ALK: variants seen among roughly 807,000 people sequenced by gnomAD.
ALK encodes ALK tyrosine kinase receptor.
A neutral mutation model predicts 163.1 loss-of-function variants in ALK; 74 were observed. That is an observed-to-expected ratio of 0.45 (90% CI 0.38 to 0.55). The LOEUF (loss-of-function observed/expected upper bound fraction) is 0.55, where lower values mean the gene tolerates loss of function less well. Ranked by LOEUF, ALK falls within the 20% of genes least tolerant of loss-of-function variation. ALK has a pLI of 0.00. For synonymous variants in ALK, 960 were observed against 843.2 expected (o/e 1.14, Z -2.40); for missense variants, 2,063 against 2,105.3 (o/e 0.98, Z 0.39).
At chr2:29,523,898 A>G (rs1172292264) in intron 4 of ALK, among the ~76,000 whole-genome samples, 1 of 130,024 alleles carries the variant, frequency 7.7e-6, no homozygotes, top group African/African-American at 3.0e-5. Flanking sequence ...TTTTATGCCC[A>G]TCAATGAAAG....
chr2:29,343,839 C>T (rs1667871218), intron 5 of ALK, among the ~76,000 whole-genome samples: 1 of 152,160 alleles, frequency 6.6e-6, no homozygotes, highest in South Asian at 2.1e-4. Flanking sequence ...ACTGGCAGGT[C>T]CCCAGGTACA....
intron 12 of ALK, among the ~76,000 whole-genome samples, chr2:29,244,379 C>T (rs550571449): frequency 2.0e-4 from 30 of 152,214 alleles, no homozygotes; most frequent in African/African-American, 6.5e-4. Context: ...GCTTGGTCAG[C>T]GGGAGATTTC....
chr2:29,596,435 C>T (rs941321025), intron 3 of ALK, among the ~76,000 whole-genome samples: 2 of 152,336 alleles, frequency 1.3e-5, no homozygotes, highest in Middle Eastern at 3.4e-3. Context: ...CCTCTCTTTC[C>T]CCAAACCATC....
chr2:29,203,002 G>T (rs1441681991), intron 26 of ALK, among the ~76,000 whole-genome samples: 1 of 152,140 alleles, frequency 6.6e-6, no homozygotes, highest in Non-Finnish European at 1.5e-5. Flanking sequence ...TCTGTCTCTG[G>T]ATCCCCTGGG....
At chr2:29,626,077 A>G (rs752477543) in intron 3 of ALK, among the ~76,000 whole-genome samples, 1 of 152,230 alleles carries the variant, frequency 6.6e-6, no homozygotes, top group Non-Finnish European at 1.5e-5. Context: ...TCTAAGAACT[A>G]CTGATGGTGT....
chr2:29,578,083 T>C (rs1674575897), intron 3 of ALK, among the ~76,000 whole-genome samples: 1 of 152,176 alleles, frequency 6.6e-6, no homozygotes, highest in Non-Finnish European at 1.5e-5. Flanking sequence ...CCACGTGTTA[T>C]GGGAGGGACC....
chr2:29,639,907 C>T (rs1676651300), intron 3 of ALK, among the ~76,000 whole-genome samples: 1 of 152,192 alleles, frequency 6.6e-6, no homozygotes, highest in Non-Finnish European at 1.5e-5. Flanking sequence ...CACATATCCT[C>T]CCAGAGTAAC....
intron 3 of ALK, among the ~76,000 whole-genome samples, chr2:29,666,017 C>T (rs13398631): frequency 2.9e-3 from 439 of 152,200 alleles, no homozygotes; most frequent in African/African-American, 9.7e-3. Flanking sequence ...GTCCTGCCAC[C>T]ATGCCGAAGT....
intron 4 of ALK, among the ~76,000 whole-genome samples, chr2:29,531,141 G>C (rs1673108352): frequency 6.6e-6 from 1 of 152,208 alleles, no homozygotes; most frequent in Non-Finnish European, 1.5e-5. Flanking sequence ...AGCATAGCTA[G>C]ACAGTTGGGC....
At chr2:29,560,861 G>A (rs1012274799) in intron 3 of ALK, among the ~76,000 whole-genome samples, 16 of 151,698 alleles carry the variant, frequency 1.1e-4, no homozygotes, top group African/African-American at 3.1e-4. Flanking sequence ...CATGAGCCAC[G>A]GCACCCGGCC....
intron 1 of ALK, among the ~76,000 whole-genome samples, chr2:29,809,230 T>A (rs1397845385): frequency 6.6e-6 from 1 of 152,256 alleles, no homozygotes; most frequent in Non-Finnish European, 1.5e-5. Context: ...ATGAATATTA[T>A]GTGTTGGGCA....
chr2:29,740,300 G>T (rs917971350), intron 1 of ALK, among the ~76,000 whole-genome samples: 8 of 151,758 alleles, frequency 5.3e-5, no homozygotes, highest in South Asian at 2.1e-4. Flanking sequence ...TTTATTCAAT[G>T]AAAAAAAGGA....
intron 1 of ALK, among the ~76,000 whole-genome samples, chr2:29,841,470 TAC>T (rs1665696542): frequency 1.3e-5 from 2 of 152,364 alleles, no homozygotes; most frequent in South Asian, 4.1e-4. Context: ...ATCATATGAA[TAC>T]AGTCTTATCA....
chr2:29,360,273 T>C (rs1212181625), intron 5 of ALK, among the ~76,000 whole-genome samples: 2 of 151,944 alleles, frequency 1.3e-5, no homozygotes, highest in African/African-American at 2.4e-5. Flanking sequence ...CTGGGAAGAG[T>C]CTTCACAGCC....
At chr2:29,270,663 T>G (rs1242167065) in intron 11 of ALK, among the ~76,000 whole-genome samples, 3 of 152,186 alleles carry the variant, frequency 2.0e-5, no homozygotes, top group African/African-American at 7.2e-5. Flanking sequence ...CAGATGCTGA[T>G]GATTTGAGGA....
chr2:29,217,093 GTC>G (rs1669646057), intron 23 of ALK, among the ~76,000 whole-genome samples: 3 of 139,080 alleles, frequency 2.2e-5, no homozygotes, highest in South Asian at 4.8e-4. Context: ...AGTGGTATAT[GTC>G]TATGTGGTGT....
At chr2:29,850,465 A>G (rs1001700659) in intron 1 of ALK, among the ~76,000 whole-genome samples, 10 of 152,236 alleles carry the variant, frequency 6.6e-5, no homozygotes, top group Non-Finnish European at 1.5e-5. Context: ...TACTTCTATA[A>G]AAAGGTTTAA....
chr2:29,485,166 A>G (rs747060238), intron 4 of ALK, among the ~76,000 whole-genome samples: 3 of 152,064 alleles, frequency 2.0e-5, no homozygotes, highest in Admixed American at 6.6e-5. Context: ...CTTTTAGACT[A>G]TGTCTAAGCA....
At chr2:29,656,780 T>C (rs1242907183) in intron 3 of ALK, among the ~76,000 whole-genome samples, 1 of 152,090 alleles carries the variant, frequency 6.6e-6, no homozygotes, top group Non-Finnish European at 1.5e-5. Context: ...CCTTATGTAC[T>C]CCACAGAGAG....
Sources: allele counts gnomAD v4.1 joint callset (sites outside exome capture counted in the v4.1 genomes callset), GRCh38; gene constraint gnomAD v4.1.1; transcripts MANE v1.5; gene names NCBI Gene and HGNC (gene_info 2026-07-23, HGNC 2026-07-21).